EFNA5: variants seen among roughly 807,000 people sequenced by gnomAD.
EFNA5 encodes ephrin A5, also known as ephrin-A5.
In EFNA5, 5 loss-of-function variants were observed where a neutral mutation model predicts 22.9. The ratio of observed to expected loss-of-function variants is 0.22; its 90% CI spans 0.11 to 0.46. EFNA5 has a LOEUF of 0.46. Among genes scored for constraint, EFNA5 ranks in the 20% least tolerant of loss-of-function variants. The pLI is 0.99. For synonymous variants in EFNA5, 113 were observed against 112.2 expected, an observed-to-expected ratio of 1.01 and a Z score of -0.04; for missense variants, 237 against 293.3, an observed-to-expected ratio of 0.81 and a Z score of 1.40.
intron 1 of EFNA5, among the ~76,000 whole-genome samples, chr5:107,651,618 G>A (rs139459168): frequency 1.2e-4 from 17 of 146,146 alleles, no homozygotes; most frequent in Non-Finnish European, 1.9e-4. Context: ...TTGTTTTTCC[G>A]TTTTACACAT....
At chr5:107,400,466 C>T (rs1173324914) in intron 2 of EFNA5, among the ~76,000 whole-genome samples, 2 of 152,194 alleles carry the variant, frequency 1.3e-5, no homozygotes, top group Non-Finnish European at 2.9e-5. Context: ...AAGCTATCTC[C>T]ATGTTTCTCT....
rs184571388 is a variant in EFNA5 at position 107,615,325 on chromosome 5, A to G, written c.125+55164T>C. Among the ~76,000 whole-genome samples the G allele has an allele frequency of 1.4e-3, 216 of 152,174 alleles. 2 individuals carry two copies. Among genetic ancestry groups the G allele is most frequent in the African/African-American group, 5.1e-3 (213 of 41,512 alleles). On this transcript the variant is annotated intron_variant, in intron 1 of 4. Transcript: ENST00000333274. ...TTTCAATCTTCTCTCTTGGAGCTCA[A>G]TCATGCTCTGTGATGCTCTGTTCCA... is the stretch of plus-strand genomic sequence containing the variant.
In EFNA5 at chr5:107,399,101, T is replaced by C. The variant is rs534236159; in HGVS notation, c.419-11330A>G. 1.6e-3 allele frequency among the ~76,000 whole-genome samples: 246 copies of C among 152,088 alleles called. 1 individual carries two copies. Among genetic ancestry groups the C allele is most frequent in the Non-Finnish European group, 3.1e-3 (210 of 67,996 alleles). ...CAGGCAAAGCCAGGGATATACAAAATTCAAGTAGGTAGCATTTCAATATCT... is the reference window on the plus strand; with the variant it reads ...CAGGCAAAGCCAGGGATATACAAAACTCAAGTAGGTAGCATTTCAATATCT... On this transcript the variant is annotated intron_variant, in intron 2 of 4. Transcript: ENST00000333274.
Position 107,641,276 on chromosome 5 carries a change from TG to T in EFNA5, c.125+29212del, listed in dbSNP as rs1750503928. On this transcript the variant is annotated intron_variant, in intron 1 of 4. Coordinates refer to ENST00000333274, the MANE Select transcript of EFNA5 (RefSeq NM_001962.3). ...GGGAGGCTGAGGAGCAGGAATCACT[TG>T]AACCCAGGAGGCAAAGGTTACAGTG... Among the ~76,000 whole-genome samples, 3 of 151,768 alleles carry T rather than the reference TG, an allele frequency of 2.0e-5. No individual in the cohort carries two copies. In the South Asian group the frequency reaches 6.3e-4, roughly 32 times the overall value.
At chr5:107,469,210 A>G (rs1021200041) in intron 1 of EFNA5, among the ~76,000 whole-genome samples, 1 of 152,152 alleles carries the variant, frequency 6.6e-6, no homozygotes, top group East Asian at 1.9e-4. Context: ...CCCAGCATCC[A>G]TGAAGCTGTT....
At chr5:107,514,040 C>CA (rs1187629713) in intron 1 of EFNA5, among the ~76,000 whole-genome samples, 1 of 152,174 alleles carries the variant, frequency 6.6e-6, no homozygotes, top group Non-Finnish European at 1.5e-5. Context: ...ATTGCTTTAA[C>CA]AAAAACAACA....
chr5:107,394,241 C>G (rs1457246702), intron 2 of EFNA5, among the ~76,000 whole-genome samples: 1 of 152,180 alleles, frequency 6.6e-6, no homozygotes. Context: ...ACTAAATTTG[C>G]CAACACATTT....
chr5:107,653,904 G>C (rs1397967664), intron 1 of EFNA5, among the ~76,000 whole-genome samples: 2 of 152,084 alleles, frequency 1.3e-5, no homozygotes, highest in Non-Finnish European at 1.5e-5. Flanking sequence ...ACTCTGCCCA[G>C]AATGGTAATG....
intron 1 of EFNA5, among the ~76,000 whole-genome samples, chr5:107,489,439 G>A (rs1053587080): frequency 6.6e-6 from 1 of 151,884 alleles, no homozygotes; most frequent in African/African-American, 2.4e-5. Flanking sequence ...CCAAAGTGCT[G>A]GGATTACAGG....
intron 1 of EFNA5, among the ~76,000 whole-genome samples, chr5:107,563,078 G>C (rs1336670192): frequency 6.6e-6 from 1 of 152,148 alleles, no homozygotes; most frequent in Non-Finnish European, 1.5e-5. Flanking sequence ...AGGGATGCAT[G>C]GGTTTTCTCA....
In EFNA5 at chr5:107,377,800, A is replaced by G. The variant is rs528421734; in HGVS notation, c.*3455T>C. 1 of 152,366 alleles carries G rather than the reference A, an allele frequency of 6.6e-6. No homozygotes were observed. Among genetic ancestry groups the G allele is most frequent in the African/African-American group, 2.4e-5 (1 of 41,586 alleles). 9.4% of individuals were successfully genotyped at this position (152,366 alleles called of 1,614,324 possible). On this transcript the variant is annotated 3_prime_UTR_variant, in exon 5 of 5. Coordinates refer to ENST00000333274, the MANE Select transcript of EFNA5 (RefSeq NM_001962.3). ...AAACCAAACCAAACCAAAGTACAGA[A>G]CTGTTTCTAAATTCCCTATCCTTTT... is the stretch of plus-strand genomic sequence containing the variant.
At position 107,577,964 on chromosome 5, in the gene EFNA5, A is replaced by C. The variant is rs530501153; in HGVS notation, c.125+92525T>G. 2.0e-5 allele frequency among the ~76,000 whole-genome samples: 3 copies of C among 152,214 alleles called. No homozygotes were observed. The South Asian group carries it at 6.2e-4, about 32-fold the overall frequency. ...CTGACAGTTGGCATTTTTTTCCTTA[A>C]CTGATCAAAGAACATAGCCTGGGTC... On this transcript the variant is annotated intron_variant, in intron 1 of 4. Coordinates refer to ENST00000333274, the MANE Select transcript of EFNA5 (RefSeq NM_001962.3).
chr5:107,636,749 T>C (rs1452071786), intron 1 of EFNA5, among the ~76,000 whole-genome samples: 1 of 152,130 alleles, frequency 6.6e-6, no homozygotes, highest in Non-Finnish European at 1.5e-5. Context: ...GCTAAACCCA[T>C]GAAAACTGTT....
At chr5:107,466,074 AC>A (rs1358709139) in intron 1 of EFNA5, among the ~76,000 whole-genome samples, 1 of 152,074 alleles carries the variant, frequency 6.6e-6, no homozygotes, top group Non-Finnish European at 1.5e-5. Context: ...CACAGCTAGG[AC>A]CCAACCGCAG....
intron 1 of EFNA5, among the ~76,000 whole-genome samples, chr5:107,547,446 G>C (rs1748188622): frequency 6.6e-6 from 1 of 151,688 alleles, no homozygotes; most frequent in African/African-American, 2.4e-5. Flanking sequence ...TATCCTCCAA[G>C]CTTTGTTCTA....
chr5:107,550,688 T>C (rs1210286382), intron 1 of EFNA5, among the ~76,000 whole-genome samples: 1 of 152,206 alleles, frequency 6.6e-6, no homozygotes, highest in Non-Finnish European at 1.5e-5. Context: ...AACTTTGTAG[T>C]TTCATTTCAA....
chr5:107,386,148 CAAAA>C (rs33964723), intron 4 of EFNA5, among the ~76,000 whole-genome samples: 181 of 79,486 alleles, frequency 2.3e-3, no homozygotes, highest in Middle Eastern at 7.8e-3. Context: ...AGAAATTCTA[CAAAA>C]AAAAAAAAAA....
In EFNA5 at chr5:107,644,622, T is replaced by C. The variant is rs745343253; in HGVS notation, c.125+25867A>G. On this transcript the variant is annotated intron_variant, in intron 1 of 4. Coordinates refer to ENST00000333274, the MANE Select transcript of EFNA5 (RefSeq NM_001962.3). Reference sequence around the variant, plus strand: ...AATTACCTAGTTGGTAACTGACACATAATAGATGCTCAATCAAGAGTTTAA... The same window carrying C: ...AATTACCTAGTTGGTAACTGACACACAATAGATGCTCAATCAAGAGTTTAA... 1.4e-4 allele frequency among the ~76,000 whole-genome samples: 22 copies of C among 152,322 alleles called. 1 individual carries two copies. Among genetic ancestry groups the C allele is most frequent in the Non-Finnish European group, 2.1e-4 (14 of 68,016 alleles).
At chr5:107,400,129 A>G (rs1444870745) in intron 2 of EFNA5, among the ~76,000 whole-genome samples, 1 of 152,204 alleles carries the variant, frequency 6.6e-6, no homozygotes, top group East Asian at 1.9e-4. Context: ...GAGAATAACT[A>G]AATCTAAGTT....
Sources: allele counts gnomAD v4.1 joint callset (sites outside exome capture counted in the v4.1 genomes callset), GRCh38; gene constraint gnomAD v4.1.1; transcripts MANE v1.5; gene names NCBI Gene and HGNC (gene_info 2026-07-23, HGNC 2026-07-21).